Variants in LRMDA observed in about 807,000 individuals in gnomAD.
The protein encoded by LRMDA is leucine rich melanocyte differentiation associated, also known as leucine-rich melanocyte differentiation-associated protein.
LRMDA carries 18 observed loss-of-function variants against 29.8 expected under a neutral mutation model. The observed-to-expected ratio is 0.60, with a 90% confidence interval of 0.42 to 0.90. LRMDA has a LOEUF of 0.90. Ranked by LOEUF, LRMDA falls within the 40% of genes least tolerant of loss-of-function variation. LRMDA has a pLI of 0.00. For synonymous variants in LRMDA, 125 were observed against 109.4 expected, an observed-to-expected ratio of 1.14 and a Z score of -0.89; for missense variants, 273 against 273.9, an observed-to-expected ratio of 1.00 and a Z score of 0.02.
intron 2 of LRMDA, among the ~76,000 whole-genome samples, chr10:75,682,545 AT>A (rs1842036252): frequency 6.6e-6 from 1 of 152,162 alleles, no homozygotes; most frequent in African/African-American, 2.4e-5. Flanking sequence ...ATTATGTATT[AT>A]ATAGTATATG....
chr10:75,502,621 G>A (rs1443087679), intron 2 of LRMDA, among the ~76,000 whole-genome samples: 1 of 152,176 alleles, frequency 6.6e-6, no homozygotes, highest in African/African-American at 2.4e-5. Context: ...TCAGGGCCTG[G>A]TTGGCCCTTG....
At chr10:76,432,582 A>G (rs1309325452) in intron 6 of LRMDA, among the ~76,000 whole-genome samples, 1 of 152,112 alleles carries the variant, frequency 6.6e-6, no homozygotes, top group African/African-American at 2.4e-5. Context: ...TTCCAAATCC[A>G]TTTTTATCCA....
intron 5 of LRMDA, among the ~76,000 whole-genome samples, chr10:76,258,626 C>A (rs534305966): frequency 6.6e-6 from 1 of 152,134 alleles, no homozygotes; most frequent in African/African-American, 2.4e-5. Context: ...TTTACCCTTC[C>A]CAGCCTCTTG....
At chr10:76,015,819 G>T (rs1847870919) in intron 2 of LRMDA, among the ~76,000 whole-genome samples, 1 of 152,178 alleles carries the variant, frequency 6.6e-6, no homozygotes, top group Non-Finnish European at 1.5e-5. Flanking sequence ...AGCTACTTTA[G>T]AATAAAATCT....
chr10:76,529,335 A>G (rs1052524463), intron 6 of LRMDA, among the ~76,000 whole-genome samples: 5 of 152,164 alleles, frequency 3.3e-5, no homozygotes, highest in African/African-American at 1.2e-4. Flanking sequence ...ATGGCAGCCA[A>G]TGGGAATTAA....
chr10:76,154,380 A>G (rs572560087), intron 5 of LRMDA, among the ~76,000 whole-genome samples: 41 of 152,368 alleles, frequency 2.7e-4, no homozygotes, highest in African/African-American at 9.9e-4. Flanking sequence ...TACAATATTC[A>G]GAATGACAAT....
chr10:76,103,200 G>A (rs1186990787), intron 5 of LRMDA, among the ~76,000 whole-genome samples: 1 of 152,178 alleles, frequency 6.6e-6, no homozygotes, highest in African/African-American at 2.4e-5. Context: ...CTCTAAAGAG[G>A]ATGATTTTTT....
intron 2 of LRMDA, among the ~76,000 whole-genome samples, chr10:75,817,836 A>G (rs1844087181): frequency 6.6e-6 from 1 of 152,212 alleles, no homozygotes; most frequent in Admixed American, 6.5e-5. Flanking sequence ...CACCCAAGAG[A>G]AAGTGACTTA....
At chr10:75,482,560 G>C (rs1844865708) in intron 2 of LRMDA, among the ~76,000 whole-genome samples, 1 of 152,126 alleles carries the variant, frequency 6.6e-6, no homozygotes, top group Admixed American at 6.5e-5. Context: ...GTACGCCCAG[G>C]TCTGTTACTG....
intron 2 of LRMDA, among the ~76,000 whole-genome samples, chr10:75,939,741 G>A (rs959887499): frequency 2.6e-5 from 4 of 152,094 alleles, no homozygotes; most frequent in Admixed American, 6.6e-5. Context: ...GGCCAGATCC[G>A]GACTTTGGGC....
At chr10:76,540,941 A>G (rs1344261776) in intron 6 of LRMDA, among the ~76,000 whole-genome samples, 4 of 152,192 alleles carry the variant, frequency 2.6e-5, no homozygotes, top group African/African-American at 4.8e-5. Flanking sequence ...ATACCTGCAC[A>G]AGTCCCAGTG....
intron 5 of LRMDA, among the ~76,000 whole-genome samples, chr10:76,172,815 G>A (rs1037578068): frequency 6.6e-6 from 1 of 152,086 alleles, no homozygotes; most frequent in African/African-American, 2.4e-5. Context: ...GCTTCAAATT[G>A]TTTACAAACA....
chr10:75,431,755 G>T lies in LRMDA; in HGVS notation c.30+1G>T, dbSNP rs921945980. The T allele has an allele frequency of 7.3e-7, 1 of 1,373,338 alleles. No individual in the cohort carries two copies. Among genetic ancestry groups the T allele is most frequent in the Non-Finnish European group, 9.4e-7 (1 of 1,058,214 alleles). 85.1% of individuals were successfully genotyped at this position (1,373,338 alleles called of 1,614,324 possible). A position where few individuals can be genotyped will look rare whatever the true frequency, so the allele number is the denominator to read the frequency against. ...CGGGCTCGTGGTGCGTGGAACTCAA[G>T]TAAGTCCCGGCCAGCCCCGCCTCCG... On this transcript the variant is annotated splice_donor_variant, in intron 1 of 6. Transcript: ENST00000611255. LOFTEE classifies it high-confidence loss of function.
At chr10:75,983,598 T>C (rs79182005) in intron 2 of LRMDA, among the ~76,000 whole-genome samples, 406 of 152,332 alleles carry the variant, frequency 2.7e-3, no homozygotes, top group Non-Finnish European at 4.5e-3. Flanking sequence ...CGTCTATGTA[T>C]GTGAATAGGT....
chr10:75,856,258 T>C (rs886432489), intron 2 of LRMDA, among the ~76,000 whole-genome samples: 1 of 152,204 alleles, frequency 6.6e-6, no homozygotes, highest in Non-Finnish European at 1.5e-5. Flanking sequence ...TGGTTTGTAG[T>C]TCTCCTTGAA....
chr10:76,178,438 A>G (rs998225683), intron 5 of LRMDA, among the ~76,000 whole-genome samples: 1 of 152,222 alleles, frequency 6.6e-6, no homozygotes, highest in African/African-American at 2.4e-5. Flanking sequence ...TTAGCACTGC[A>G]GCATAAGTCC....
intron 5 of LRMDA, among the ~76,000 whole-genome samples, chr10:76,234,392 C>G (rs965431613): frequency 6.6e-6 from 1 of 152,086 alleles, no homozygotes; most frequent in Non-Finnish European, 1.5e-5. Flanking sequence ...GTAGATTTAG[C>G]GTAATTCTTA....
intron 2 of LRMDA, 149 bp downstream of exon 2, chr10:75,438,643 C>G (rs1156907244): frequency 6.2e-6 from 4 of 642,240 alleles, no homozygotes; most frequent in Non-Finnish European, 1.1e-5. Context: ...TGGAATCACA[C>G]CCCAAAGGTT....
intron 2 of LRMDA, among the ~76,000 whole-genome samples, chr10:75,669,306 A>G (rs893530214): frequency 6.6e-6 from 1 of 152,062 alleles, no homozygotes; most frequent in African/African-American, 2.4e-5. Flanking sequence ...TTTTTTCCCT[A>G]TGAGGTTCTC....
Sources: gnomAD v4.1 joint callset for allele counts (sites outside exome capture counted in the v4.1 genomes callset) on GRCh38, gnomAD v4.1.1 for gene constraint, MANE v1.5 for transcripts, NCBI Gene and HGNC (gene_info 2026-07-23, HGNC 2026-07-21) for gene names.